The following DST variants were observed in gnomAD, a reference collection of about 807,000 sequenced individuals.
DST encodes bullous pemphigoid antigen.
Under a neutral mutation model 875.2 loss-of-function variants are expected in DST, and 253 were observed. That is an observed-to-expected ratio of 0.29 (90% confidence interval 0.26 to 0.32). The LOEUF is 0.32. Ranked by LOEUF, DST falls within the 10% of genes least tolerant of loss-of-function variation. The pLI is 1.00. For missense variants in DST, 8,287 were observed against 9,111.6 expected (o/e 0.91, Z 3.68); for synonymous variants, 3,124 against 3,197.1 (o/e 0.98, Z 0.77).
chr6:56,827,649 G>T (rs1376811537), intron 4 of DST, among the ~76,000 whole-genome samples: 1 of 152,026 alleles, frequency 6.6e-6, no homozygotes, highest in African/African-American at 2.4e-5. Flanking sequence ...TAAACTGTAG[G>T]CATGTTTATA....
chr6:56,511,433 A>T, intron 72 of DST, 33 bp from the exon 73 acceptor site: 4 of 1,546,212 alleles, frequency 2.6e-6, no homozygotes, highest in Non-Finnish European at 3.5e-6. Context: ...TCAGTATCTC[A>T]GGGTCACACC....
chr6:56,831,341 T>C (rs2153060572), intron 4 of DST, among the ~76,000 whole-genome samples: 1 of 152,332 alleles, frequency 6.6e-6, no homozygotes, highest in Middle Eastern at 3.4e-3. Context: ...ATTAAAGTAG[T>C]AATTCAATTT....
rs1349022695 is a variant in DST, at chr6:56,572,224, C to T, written c.13597G>A (p.Val4533Ile). The T allele has an allele frequency of 6.3e-7, 1 of 1,576,730 alleles. No individual in the cohort carries two copies. The highest frequency in any genetic ancestry group is 1.8e-5 in the Admixed American group (1 of 55,858). Residue 4533 changes from valine (V) to isoleucine (I), a missense_variant, in exon 53 of 104, where the codon GTT becomes ATT. This residue lies in a region of DST where 1,513 missense variants were observed against 1,677.8 expected (regional missense o/e 0.90). Coordinates refer to ENST00000680361, the MANE Select transcript of DST (RefSeq NM_001374736.1). ...EFLEHKKHLE[V>I]LHSLLKEISS... Reference sequence around the variant, plus strand: ...ATCTCCTTCAAGAGACTATGCAAAACTTCAAGATGTTTCTTGTGTTCTAAA... The same window carrying T: ...ATCTCCTTCAAGAGACTATGCAAAATTTCAAGATGTTTCTTGTGTTCTAAA...
At chr6:56,825,639 T>C (rs2099779541) in intron 4 of DST, among the ~76,000 whole-genome samples, 1 of 152,148 alleles carries the variant, frequency 6.6e-6, no homozygotes, top group South Asian at 2.1e-4. Context: ...TTCCATATCA[T>C]CTCTTAGTAT....
intron 36 of DST, chr6:56,615,148 C>T (rs921264601): frequency 6.5e-6 from 7 of 1,077,572 alleles, no homozygotes; most frequent in Admixed American, 9.7e-5. Flanking sequence ...GCTCTTTCAG[C>T]GAGTGCAATT....
intron 2 of DST, among the ~76,000 whole-genome samples, chr6:56,903,350 T>G (rs2613121): frequency 0.63 from 96,244 of 152,050 alleles, 32,064 homozygotes; most frequent in African/African-American, 0.85. Context: ...AAACATGCTG[T>G]CACAGCCATT....
rs770890015 is a variant in DST at position 56,604,189 on chromosome 6, A to G, written c.10439T>C (p.Ile3480Thr). ...CTGCAGTGGAAGTACTTTAGACGTA[A>G]TGCCTCTTTTCTCTAGGTCATACTC... Reference protein sequence around the residue: ...HMEYDLEKRGITSKVLPLQLE... With the variant: ...HMEYDLEKRGTTSKVLPLQLE... Residue 3480 changes from isoleucine (I) to threonine (T), a missense_variant, in exon 40 of 104, where the codon ATT becomes ACT. This residue lies in a region of DST where 3,138 missense variants were observed against 3,116.6 expected (regional missense o/e 1.01). Transcript: ENST00000680361. 2.5e-6 allele frequency: 4 copies of G among 1,602,962 alleles called. No individual in the cohort carries two copies. In the Admixed American group the frequency reaches 6.8e-5, roughly 27 times the overall value.
At chr6:56,781,076 T>C (rs1268901289) in intron 4 of DST, among the ~76,000 whole-genome samples, 5 of 151,728 alleles carry the variant, frequency 3.3e-5, no homozygotes, top group Non-Finnish European at 5.9e-5. Flanking sequence ...TTCTGTCCAT[T>C]GATCTATATC....
Position 56,923,243 on chromosome 6 carries a change from T to A in DST, c.217-22622A>T, listed in dbSNP as rs1255810625. 2.6e-5 allele frequency among the ~76,000 whole-genome samples: 4 copies of A among 152,042 alleles called. No homozygotes were observed. In the South Asian group the frequency reaches 8.3e-4, roughly 32 times the overall value. ...CTTAAATTTTTAAAATTCAATTAAG[T>A]TCAGGAGAAATTATTGATTTTAAAA... On this transcript the variant is annotated intron_variant, in intron 2 of 103. Coordinates refer to ENST00000680361, the MANE Select transcript of DST (RefSeq NM_001374736.1).
At chr6:56,672,758 A>G (rs1232953522) in intron 9 of DST, among the ~76,000 whole-genome samples, 1 of 152,256 alleles carries the variant, frequency 6.6e-6, no homozygotes, top group African/African-American at 2.4e-5. Context: ...CCGCAAATGC[A>G]TAATACAGAT....
At chr6:56,734,486 C>T (rs1416718355) in intron 5 of DST, among the ~76,000 whole-genome samples, 1 of 152,122 alleles carries the variant, frequency 6.6e-6, no homozygotes, top group East Asian at 1.9e-4. Context: ...AGAAACATGA[C>T]CTATTTCAAC....
chr6:56,947,155 A>G (rs1819950570), intron 2 of DST, among the ~76,000 whole-genome samples: 1 of 151,960 alleles, frequency 6.6e-6, no homozygotes, highest in Admixed American at 6.6e-5. Flanking sequence ...CAGAGGCCAT[A>G]ACTCTTTGTT....
intron 3 of DST, among the ~76,000 whole-genome samples, chr6:56,894,249 C>T (rs1177424883): frequency 4.8e-5 from 2 of 41,670 alleles, no homozygotes; most frequent in Admixed American, 1.6e-4. Context: ...ACCGCCCTCC[C>T]GGACGGGGCG....
At chr6:56,767,398 C>T (rs765969055) in intron 4 of DST, among the ~76,000 whole-genome samples, 1 of 152,066 alleles carries the variant, frequency 6.6e-6, no homozygotes, top group Non-Finnish European at 1.5e-5. Flanking sequence ...GGGCAGATCA[C>T]TTGAGGTCAG....
chr6:56,850,290 T>C (rs1452981671), intron 4 of DST, among the ~76,000 whole-genome samples: 1 of 150,646 alleles, frequency 6.6e-6, no homozygotes, highest in Non-Finnish European at 1.5e-5. Context: ...AATCAGAAAA[T>C]CCCACTGGGG....
At chr6:56,507,119 A>T (rs548073962) in intron 75 of DST, among the ~76,000 whole-genome samples, 1 of 152,364 alleles carries the variant, frequency 6.6e-6, no homozygotes, top group Non-Finnish European at 1.5e-5. Flanking sequence ...ACCAATATAC[A>T]TTTAACATAG....
chr6:56,684,893 G>C (rs770348731), intron 9 of DST, among the ~76,000 whole-genome samples: 15 of 152,236 alleles, frequency 9.9e-5, no homozygotes, highest in African/African-American at 3.1e-4. Flanking sequence ...TTCAGAGGAA[G>C]ATACCGTCCT....
chr6:56,725,130 G>C (rs2099445565), intron 5 of DST, among the ~76,000 whole-genome samples: 1 of 152,192 alleles, frequency 6.6e-6, no homozygotes, highest in Admixed American at 6.5e-5. Flanking sequence ...GAAAATAGTT[G>C]AGGAGAGACG....
intron 9 of DST, among the ~76,000 whole-genome samples, chr6:56,695,862 A>G (rs1256015444): frequency 1.3e-5 from 2 of 152,236 alleles, no homozygotes; most frequent in East Asian, 1.9e-4. Context: ...TTATTTATGT[A>G]AAGTATAGAG....
Sources: allele counts gnomAD v4.1 joint callset (sites outside exome capture counted in the v4.1 genomes callset), GRCh38; gene constraint gnomAD v4.1.1; regional missense constraint gnomAD v4.1.1; transcripts MANE v1.5; gene names NCBI Gene and HGNC (gene_info 2026-07-23, HGNC 2026-07-21).